Variants in NINL observed in about 807,000 individuals in gnomAD.
The protein encoded by NINL is ninein like, also known as ninein-like protein.
NINL carries 153 observed loss-of-function variants against 160.3 expected under a neutral mutation model. The ratio of observed to expected loss-of-function variants is 0.95; its 90% CI spans 0.84 to 1.09. The LOEUF (loss-of-function observed/expected upper bound fraction) is 1.09. Ranked by LOEUF, NINL falls within the 50% of genes least tolerant of loss-of-function variation. The pLI is 0.00. For synonymous variants in NINL, 800 were observed against 734.8 expected (o/e 1.09, Z -1.43); for missense variants, 1,829 against 1,764.0 (o/e 1.04, Z -0.66).
chr20:25,568,934 AT>A lies in NINL; in HGVS notation c.-12+16520del, dbSNP rs150983804. ...AGACCCCTCCCTGTCTCTACAAAAT[AT>A]TTTTTTTTTTCCTGCTGGGTGTGGT... On this transcript the variant is annotated intron_variant, in intron 1 of 23. Transcript: ENST00000278886. Among the ~76,000 whole-genome samples, 130 of 145,488 alleles carry A rather than the reference AT, an allele frequency of 8.9e-4. 1 individual carries two copies. The highest frequency in any genetic ancestry group is 2.3e-3 in the Admixed American group (33 of 14,474).
chr20:25,513,425 C>T (rs1039919823), intron 3 of NINL, among the ~76,000 whole-genome samples: 1 of 152,170 alleles, frequency 6.6e-6, no homozygotes, highest in African/African-American at 2.4e-5. Flanking sequence ...AGTGACATTC[C>T]AGGCAGCTGA....
At position 25,517,852 on chromosome 20, in the gene NINL, G is replaced by C. The variant is rs2064188705; in HGVS notation, c.181-3C>G. On this transcript the variant is annotated splice_polypyrimidine_tract_variant and splice_region_variant and intron_variant, in intron 2 of 23. Coordinates refer to ENST00000278886, the MANE Select transcript of NINL (RefSeq NM_025176.6). ...TCCTTAAATTCCTCAAAGTTAACCT[G>C]GGTGAATTGAAGGTGAGAGAGGACA... 1 of 1,590,978 alleles carries C rather than the reference G, an allele frequency of 6.3e-7. No homozygotes were observed. The highest frequency in any genetic ancestry group is 8.5e-7 in the Non-Finnish European group (1 of 1,170,848).
At chr20:25,543,946 C>A (rs58167480) in intron 1 of NINL, among the ~76,000 whole-genome samples, 3,294 of 130,376 alleles carry the variant, frequency 0.025, 171 homozygotes, top group African/African-American at 0.11. Context: ...CGTGAGCCAC[C>A]GCGCCTGGCC....
At chr20:25,543,394 T>C (rs1016207128) in intron 1 of NINL, among the ~76,000 whole-genome samples, 4 of 152,144 alleles carry the variant, frequency 2.6e-5, no homozygotes, top group African/African-American at 7.2e-5. Context: ...CCACAAAATA[T>C]ACAAAACTTA....
rs534130391 is a variant in NINL at position 25,464,306 on chromosome 20, A to G, written c.3424-1765T>C. On this transcript the variant is annotated intron_variant, in intron 19 of 23. Coordinates refer to ENST00000278886, the MANE Select transcript of NINL (RefSeq NM_025176.6). ...GTGGCACATGCCTGTAGTCCCAGCT[A>G]CTTGGGAGGCTGAGGCAGGAGAATC... Among the ~76,000 whole-genome samples the G allele has an allele frequency of 7.9e-5, 12 of 152,282 alleles. No individual in the cohort carries two copies. The South Asian group carries it at 2.5e-3, about 32-fold the overall frequency.
intron 23 of NINL, among the ~76,000 whole-genome samples, chr20:25,454,003 G>A (rs2090604300): frequency 6.6e-6 from 1 of 152,020 alleles, no homozygotes; most frequent in African/African-American, 2.4e-5. Flanking sequence ...AGTGAGCAGA[G>A]ATCGCACCAC....
intron 23 of NINL, among the ~76,000 whole-genome samples, chr20:25,454,891 C>T (rs1442975708): frequency 6.6e-6 from 1 of 152,164 alleles, no homozygotes; most frequent in Non-Finnish European, 1.5e-5. Flanking sequence ...AGTATGGTTT[C>T]TTTTAAAAGA....
intron 5 of NINL, among the ~76,000 whole-genome samples, chr20:25,508,879 A>G (rs1388119102): frequency 6.6e-6 from 1 of 152,136 alleles, no homozygotes; most frequent in Non-Finnish European, 1.5e-5. Flanking sequence ...ACGTCCATCA[A>G]TGCCTCCGGC....
chr20:25,510,882 C>T (rs1023005129), intron 4 of NINL, 142 bp from the exon 5 acceptor site: 17 of 664,270 alleles, frequency 2.6e-5, no homozygotes, highest in Middle Eastern at 4.2e-4. Context: ...AAAGCCCACC[C>T]CCACCTTGGG....
rs113414619 is a variant in NINL, at chr20:25,456,077, C to CAA, written c.3844-293_3844-292dup. Among the ~76,000 whole-genome samples, 3 of 138,194 alleles carry CAA rather than the reference C, an allele frequency of 2.2e-5. No homozygotes were observed. The South Asian group carries it at 6.9e-4, about 32-fold the overall frequency. The allele number at this position is 138,194 out of a possible 152,430, so 90.7% of individuals were successfully genotyped here. On this transcript the variant is annotated intron_variant, in intron 22 of 23. Transcript: ENST00000278886. ...TAGGTGACAGAGCAAGACTCAGTCT[C>CAA]AAAAAAAAAAGAAAAATTAGCTGGG...
intron 16 of NINL, 31 bp downstream of exon 16, chr20:25,478,892 G>A: frequency 1.3e-6 from 2 of 1,485,908 alleles, no homozygotes; most frequent in Non-Finnish European, 1.8e-6. Flanking sequence ...AGAAACCCCA[G>A]ACTTGAAATC....
intron 5 of NINL, chr20:25,509,771 C>G (rs1297948621): frequency 6.6e-6 from 3 of 452,748 alleles, no homozygotes; most frequent in Admixed American, 4.8e-5. Flanking sequence ...AGGTGTTGGT[C>G]TTTTCTATCC....
At chr20:25,570,471 C>T (rs966090148) in intron 1 of NINL, among the ~76,000 whole-genome samples, 47 of 152,032 alleles carry the variant, frequency 3.1e-4, no homozygotes, top group African/African-American at 1.1e-3. Flanking sequence ...CACCTCACTC[C>T]CCACTCGCCT....
At chr20:25,485,755 G>A (rs2063493322) in intron 13 of NINL, among the ~76,000 whole-genome samples, 1 of 152,170 alleles carries the variant, frequency 6.6e-6, no homozygotes, top group South Asian at 2.1e-4. Context: ...CTAGGCTTTA[G>A]AAGGTATAGT....
chr20:25,489,185 G>A, intron 13 of NINL, 59 bp downstream of exon 13: 1 of 1,498,752 alleles, frequency 6.7e-7, no homozygotes, highest in Non-Finnish European at 9.3e-7. Context: ...TGGACCACCT[G>A]CGTGTGGAGA....
At chr20:25,529,517 G>A (rs1284887958) in intron 1 of NINL, among the ~76,000 whole-genome samples, 1 of 152,212 alleles carries the variant, frequency 6.6e-6, no homozygotes. Flanking sequence ...GACAGGAGTA[G>A]ACAGAGGTTC....
At chr20:25,537,490 C>T (rs999172197) in intron 1 of NINL, among the ~76,000 whole-genome samples, 9 of 152,234 alleles carry the variant, frequency 5.9e-5, no homozygotes, top group Non-Finnish European at 7.3e-5. Flanking sequence ...GCACATACAA[C>T]CCAGCAGTGC....
At chr20:25,473,652 C>T (rs1308623074) in intron 17 of NINL, among the ~76,000 whole-genome samples, 2 of 149,424 alleles carry the variant, frequency 1.3e-5, no homozygotes, top group East Asian at 2.0e-4. Flanking sequence ...GGTGAAACCC[C>T]GTCTGTAGTA....
Position 25,479,113 on chromosome 20 carries a change from C to T in NINL, c.2011G>A (p.Val671Met), listed in dbSNP as rs200310183. 131 of 1,613,746 alleles carry T rather than the reference C, an allele frequency of 8.1e-5. No homozygotes were observed. Among genetic ancestry groups the T allele is most frequent in the Non-Finnish European group, 1.0e-4 (118 of 1,180,046 alleles). ...AGGTCGGCCTTCTGACCCTCCAGCA[C>T]GCTGACCTCGCGCCTGCGAGCCTGC... Reference protein sequence around the residue: ...MEQARRREVSVLEGQKADLEE... With the variant: ...MEQARRREVSMLEGQKADLEE... The change falls in exon 16 of 24, where the codon GTG becomes ATG. Residue 671 changes from valine to methionine, a missense_variant. Coordinates refer to ENST00000278886, the MANE Select transcript of NINL (RefSeq NM_025176.6).
Sources: gnomAD v4.1 joint callset for allele counts (sites outside exome capture counted in the v4.1 genomes callset) on GRCh38, gnomAD v4.1.1 for gene constraint, MANE v1.5 for transcripts, NCBI Gene and HGNC (gene_info 2026-07-23, HGNC 2026-07-21) for gene names.